The following ZMAT4 variants were observed in gnomAD, a reference collection of about 807,000 sequenced individuals.
The protein encoded by ZMAT4 is zinc finger matrin-type protein 4.
ZMAT4 carries 17 observed loss-of-function variants against 28.7 expected under a neutral mutation model. That is an observed-to-expected ratio of 0.59 (90% CI 0.41 to 0.89). ZMAT4 has a LOEUF of 0.89. Among genes scored for constraint, ZMAT4 ranks in the 40% least tolerant of loss-of-function variants. The probability of loss-of-function intolerance (pLI) is 0.00; values close to 1 mark genes in which losing one functional copy is unlikely to be tolerated. For synonymous variants in ZMAT4, 117 were observed against 109.2 expected (o/e 1.07, Z -0.44); for missense variants, 240 against 283.8 (o/e 0.85, Z 1.11).
At chr8:40,829,956 G>A (rs1031438845) in intron 1 of ZMAT4, among the ~76,000 whole-genome samples, 7 of 152,130 alleles carry the variant, frequency 4.6e-5, no homozygotes, top group East Asian at 1.9e-4. Context: ...GCAGAAAAAT[G>A]CAAGGAAGAG....
intron 3 of ZMAT4, among the ~76,000 whole-genome samples, chr8:40,701,774 T>C (rs903995143): frequency 1.3e-5 from 2 of 152,082 alleles, no homozygotes; most frequent in African/African-American, 4.8e-5. Flanking sequence ...CACCTTGGCC[T>C]CCCAAAGTGC....
At chr8:40,743,717 C>T (rs1165627558) in intron 3 of ZMAT4, among the ~76,000 whole-genome samples, 1 of 152,110 alleles carries the variant, frequency 6.6e-6, no homozygotes, top group Admixed American at 6.5e-5. Flanking sequence ...GGGCAGGGAG[C>T]GGCCGATTCC....
chr8:40,623,127 A>G (rs1010477328), intron 5 of ZMAT4, among the ~76,000 whole-genome samples: 3 of 152,192 alleles, frequency 2.0e-5, no homozygotes. Flanking sequence ...AATAATAAGG[A>G]CAGTGCAAAG....
At chr8:40,815,939 C>A (rs980215609) in intron 2 of ZMAT4, among the ~76,000 whole-genome samples, 1 of 152,138 alleles carries the variant, frequency 6.6e-6, no homozygotes, top group Non-Finnish European at 1.5e-5. Context: ...CATTCATTTG[C>A]CAAAACCACT....
intron 5 of ZMAT4, among the ~76,000 whole-genome samples, chr8:40,630,356 A>G (rs1484151069): frequency 5.3e-5 from 8 of 152,222 alleles, no homozygotes; most frequent in Non-Finnish European, 1.0e-4. Context: ...TGGTGCGTTT[A>G]GTGGATTATC....
Position 40,839,548 on chromosome 8 carries a change from T to C in ZMAT4, c.-4-13868A>G, listed in dbSNP as rs1233051546. Among the ~76,000 whole-genome samples the C allele has an allele frequency of 2.0e-5, 3 of 152,210 alleles. No homozygotes were observed. The East Asian group carries it at 5.8e-4, about 29-fold the overall frequency. On this transcript the variant is annotated intron_variant, in intron 1 of 6. Transcript: ENST00000297737. ...TGTATGTTTATTACAGCACTAGTCA[T>C]GACAGTGAATCGACCTAAATGTCCA...
intron 1 of ZMAT4, among the ~76,000 whole-genome samples, chr8:40,826,290 A>C (rs1463564791): frequency 6.6e-6 from 1 of 152,212 alleles, no homozygotes; most frequent in East Asian, 1.9e-4. Context: ...CTTTCAGGGA[A>C]CATTAGGAAA....
At chr8:40,632,823 C>A (rs1050700226) in intron 5 of ZMAT4, among the ~76,000 whole-genome samples, 4 of 152,326 alleles carry the variant, frequency 2.6e-5, no homozygotes, top group Admixed American at 2.0e-4. Flanking sequence ...TGAAACCTCA[C>A]CACCATAACT....
intron 6 of ZMAT4, among the ~76,000 whole-genome samples, chr8:40,553,725 G>T (rs1803438188): frequency 6.6e-6 from 1 of 152,112 alleles, no homozygotes; most frequent in Non-Finnish European, 1.5e-5. Flanking sequence ...GATATGGATG[G>T]CATGAGAATT....
At chr8:40,794,422 A>G (rs1313964714) in intron 2 of ZMAT4, among the ~76,000 whole-genome samples, 1 of 152,192 alleles carries the variant, frequency 6.6e-6, no homozygotes, top group East Asian at 1.9e-4. Context: ...GAAACACACT[A>G]CATTGCATTT....
At chr8:40,768,316 A>T (rs1050502359) in intron 2 of ZMAT4, among the ~76,000 whole-genome samples, 1 of 152,212 alleles carries the variant, frequency 6.6e-6, no homozygotes, top group African/African-American at 2.4e-5. Context: ...CCAGCAGATG[A>T]TGCAGTTGAG....
At position 40,530,713 on chromosome 8, in the gene ZMAT4, T is replaced by C. The variant is rs1212849574; in HGVS notation, c.*1510A>G. On this transcript the variant is annotated 3_prime_UTR_variant, in exon 7 of 7. Transcript: ENST00000297737. ...GGAGGTTTGTAGGTCGGCTGTGTGC[T>C]TTCCAAAACAGCAAAATAGATTCTT... 1 of 152,606 alleles carries C rather than the reference T, an allele frequency of 6.6e-6. No individual in the cohort carries two copies. Among genetic ancestry groups the C allele is most frequent in the Non-Finnish European group, 1.5e-5 (1 of 68,044 alleles). The allele number at this position is 152,606 out of a possible 1,614,324, so 9.5% of individuals were successfully genotyped here.
chr8:40,566,586 G>C (rs530773701), intron 6 of ZMAT4, among the ~76,000 whole-genome samples: 9 of 152,184 alleles, frequency 5.9e-5, no homozygotes, highest in African/African-American at 1.9e-4. Context: ...GATGACATCT[G>C]GTTCCAAGAC....
chr8:40,882,598 C>A (rs1490358767), intron 1 of ZMAT4, among the ~76,000 whole-genome samples: 2 of 152,160 alleles, frequency 1.3e-5, no homozygotes, highest in Non-Finnish European at 1.5e-5. Flanking sequence ...CCCCTACATG[C>A]CTGCTGCCAC....
At chr8:40,796,491 A>G (rs1814605899) in intron 2 of ZMAT4, among the ~76,000 whole-genome samples, 1 of 152,166 alleles carries the variant, frequency 6.6e-6, no homozygotes, top group African/African-American at 2.4e-5. Flanking sequence ...CAACTCGCCA[A>G]GTGGCTGTCT....
intron 4 of ZMAT4, among the ~76,000 whole-genome samples, chr8:40,683,241 C>T (rs772191076): frequency 9.9e-5 from 15 of 152,106 alleles, no homozygotes; most frequent in Admixed American, 2.0e-4. Flanking sequence ...CGATGAATGC[C>T]GGAATCAATG....
intron 5 of ZMAT4, among the ~76,000 whole-genome samples, chr8:40,593,045 G>T (rs1804949672): frequency 6.6e-6 from 1 of 152,160 alleles, no homozygotes; most frequent in African/African-American, 2.4e-5. Context: ...ATACATGGGA[G>T]AAATATCTTT....
In ZMAT4 at chr8:40,767,728, A is replaced by G. The variant is rs201279874; in HGVS notation, c.105T>C (p.Ser35=). ...SESQRVAHYE[S]RKHASKVRLY... ...GTCGGACTTTGCTTGCATGTTTTCG[A>G]CTCTGGGAAGGAAAAGCATAAGCAG... Residue 35 remains serine, a splice_region_variant and synonymous_variant, in exon 3 of 7, where the codon AGT becomes AGC. Transcript: ENST00000297737. The G allele has an allele frequency of 5.0e-6, 8 of 1,611,238 alleles. No homozygotes were observed. The Admixed American group carries it at 1.3e-4, about 27-fold the overall frequency.
chr8:40,640,737 A>T (rs1053778779), intron 5 of ZMAT4, among the ~76,000 whole-genome samples: 2 of 152,098 alleles, frequency 1.3e-5, no homozygotes, highest in Non-Finnish European at 1.5e-5. Context: ...GAGGTGGTGG[A>T]TCACCTGAGG....
Sources: allele counts gnomAD v4.1 joint callset (sites outside exome capture counted in the v4.1 genomes callset), GRCh38; gene constraint gnomAD v4.1.1; transcripts MANE v1.5; gene names NCBI Gene and HGNC (gene_info 2026-07-23, HGNC 2026-07-21).